Variants in PABPC4L observed in about 807,000 individuals in gnomAD.
PABPC4L encodes the protein polyadenylate-binding protein 4-like.
For synonymous variants in PABPC4L, 169 were observed against 164.1 expected, an observed-to-expected ratio of 1.03 and a Z score of -0.23; for missense variants, 452 against 451.4, an observed-to-expected ratio of 1.00 and a Z score of -0.01.
chr4:134,122,046 T>C, the PABPC4L span, among the ~76,000 whole-genome samples: 1 of 151,844 alleles, frequency 6.6e-6, no homozygotes, highest in African/African-American at 2.4e-5. Context: ...TCAAATTTCA[T>C]AGTAATTCTC....
the PABPC4L span, among the ~76,000 whole-genome samples, chr4:134,169,647 G>A: frequency 2.0e-5 from 3 of 151,598 alleles, no homozygotes; most frequent in African/African-American, 7.3e-5. Context: ...TATGTCAACA[G>A]CAAACAATCT....
At chr4:133,948,729 G>C in the PABPC4L span, among the ~76,000 whole-genome samples, 2 of 152,144 alleles carry the variant, frequency 1.3e-5, no homozygotes, top group Non-Finnish European at 2.9e-5. Context: ...GGAACCACCT[G>C]TGCCTGAGGC....
chr4:133,970,226 A>C, the PABPC4L span, among the ~76,000 whole-genome samples: 2,924 of 151,902 alleles, frequency 0.019, 95 homozygotes, highest in African/African-American at 0.067. Context: ...GTGACTCCAC[A>C]TTGTCTCGAT....
the PABPC4L span, among the ~76,000 whole-genome samples, chr4:134,146,860 A>T: frequency 6.6e-6 from 1 of 152,024 alleles, no homozygotes; most frequent in African/African-American, 2.4e-5. Flanking sequence ...TGGCAATGGA[A>T]GTTCTCACTC....
the PABPC4L span, among the ~76,000 whole-genome samples, chr4:134,069,090 T>C: frequency 6.6e-6 from 1 of 152,128 alleles, no homozygotes; most frequent in African/African-American, 2.4e-5. Flanking sequence ...CTTATGAAGC[T>C]TCATTTGGCT....
chr4:133,987,026 G>A, the PABPC4L span, among the ~76,000 whole-genome samples: 1 of 152,050 alleles, frequency 6.6e-6, no homozygotes, highest in African/African-American at 2.4e-5. Context: ...GTGAACCACC[G>A]CACCTGGCTG....
chr4:134,119,645 G>A, the PABPC4L span, among the ~76,000 whole-genome samples: 1 of 151,488 alleles, frequency 6.6e-6, no homozygotes, highest in African/African-American at 2.4e-5. Flanking sequence ...ATCTTACCCT[G>A]CAAACACACC....
At chr4:134,045,093 A>C in the PABPC4L span, among the ~76,000 whole-genome samples, 201 of 152,298 alleles carry the variant, frequency 1.3e-3, no homozygotes, top group African/African-American at 4.4e-3. Flanking sequence ...TAAATTTTAA[A>C]ATAAAGTAAT....
the PABPC4L span, among the ~76,000 whole-genome samples, chr4:134,183,418 G>A: frequency 6.6e-6 from 1 of 151,690 alleles, no homozygotes; most frequent in African/African-American, 2.4e-5. Context: ...AGTACATATG[G>A]ACACAAAGAA....
the PABPC4L span, among the ~76,000 whole-genome samples, chr4:134,029,227 G>T: frequency 6.6e-6 from 1 of 152,032 alleles, no homozygotes; most frequent in African/African-American, 2.4e-5. Flanking sequence ...AGCAGGATCC[G>T]GGAGGACGAC....
the PABPC4L span, among the ~76,000 whole-genome samples, chr4:134,019,699 T>C: frequency 6.6e-6 from 1 of 152,174 alleles, no homozygotes; most frequent in Non-Finnish European, 1.5e-5. Context: ...GTCTGGTTTG[T>C]ATTATGCTAA....
chr4:134,143,071 C>T, the PABPC4L span, among the ~76,000 whole-genome samples: 1 of 151,462 alleles, frequency 6.6e-6, no homozygotes, highest in East Asian at 1.9e-4. Flanking sequence ...ATACTACAAA[C>T]CTCCTGGTAT....
At chr4:134,161,311 G>C in the PABPC4L span, among the ~76,000 whole-genome samples, 1 of 151,558 alleles carries the variant, frequency 6.6e-6, no homozygotes, top group Non-Finnish European at 1.5e-5. Flanking sequence ...AAAAATCTAA[G>C]AGTTATTGGT....
chr4:134,031,975 A>G, the PABPC4L span, among the ~76,000 whole-genome samples: 336 of 152,028 alleles, frequency 2.2e-3, no homozygotes, highest in Non-Finnish European at 4.3e-3. Flanking sequence ...ATAAAAATAT[A>G]TATCAATTTC....
chr4:134,104,788 G>A, the PABPC4L span, among the ~76,000 whole-genome samples: 2 of 151,590 alleles, frequency 1.3e-5, no homozygotes, highest in Non-Finnish European at 2.9e-5. Context: ...TCCTCAACAT[G>A]ATTTCAAATA....
chr4:133,988,098 C>A, the PABPC4L span, among the ~76,000 whole-genome samples: 1 of 152,184 alleles, frequency 6.6e-6, no homozygotes, highest in Non-Finnish European at 1.5e-5. Context: ...TTACCTCCCA[C>A]AATGTCCCTC....
chr4:133,984,867 A>T, the PABPC4L span, among the ~76,000 whole-genome samples: 1 of 151,896 alleles, frequency 6.6e-6, no homozygotes, highest in African/African-American at 2.4e-5. Context: ...GAGAAAAAAA[A>T]GTAGATTTGA....
the PABPC4L span, among the ~76,000 whole-genome samples, chr4:134,170,111 T>C: frequency 6.6e-6 from 1 of 152,122 alleles, no homozygotes; most frequent in African/African-American, 2.4e-5. Flanking sequence ...AACATTTAGC[T>C]CCCACTTATA....
At chr4:133,998,398 A>G in the PABPC4L span, among the ~76,000 whole-genome samples, 1 of 151,666 alleles carries the variant, frequency 6.6e-6, no homozygotes, top group Non-Finnish European at 1.5e-5. Context: ...CATGAATCCA[A>G]GTAAATGTAT....
Sources: allele counts gnomAD v4.1 joint callset (sites outside exome capture counted in the v4.1 genomes callset), GRCh38; gene constraint gnomAD v4.1.1; transcripts MANE v1.5; gene names NCBI Gene and HGNC (gene_info 2026-07-23, HGNC 2026-07-21).